Variants in ABCC3 observed in about 807,000 individuals in gnomAD.
The protein encoded by ABCC3 is ATP-binding cassette sub-family C member 3.
In ABCC3, 121 loss-of-function variants were observed where a neutral mutation model predicts 165.3. That is an observed-to-expected ratio of 0.73 (90% confidence interval 0.63 to 0.85). ABCC3 has a LOEUF of 0.85. Among genes scored for constraint, ABCC3 ranks in the 40% least tolerant of loss-of-function variants. ABCC3 has a pLI of 0.00. For synonymous variants in ABCC3, 733 were observed against 810.1 expected, an observed-to-expected ratio of 0.90 and a Z score of 1.62; for missense variants, 1,869 against 1,964.1, an observed-to-expected ratio of 0.95 and a Z score of 0.92.
Position 50,675,789 on chromosome 17 carries a change from G to T in ABCC3, c.2859+14G>T, listed in dbSNP as rs539211101. On this transcript the variant is annotated intron_variant, in intron 21 of 30. Transcript: ENST00000285238. The stretch of plus-strand genomic sequence containing the variant: ...GCCATTGGCACTGTGAGTCGGTGGG[G>T]CAAGAGGGGCTGGAGGGGATGGACA... The T allele has an allele frequency of 3.8e-6, 6 of 1,578,666 alleles. No homozygotes were observed. Among genetic ancestry groups the T allele is most frequent in the Non-Finnish European group, 5.2e-6 (6 of 1,161,686 alleles).
intron 19 of ABCC3, among the ~76,000 whole-genome samples, chr17:50,673,977 T>C (rs868517973): frequency 0.044 from 606 of 13,764 alleles, 15 homozygotes; most frequent in Admixed American, 0.054. Context: ...TCTTTCTTTC[T>C]TTCTCTCTCT....
In ABCC3 at chr17:50,687,809, T is replaced by C. The variant is rs572712049; in HGVS notation, c.4475+79T>C. ...CAGGAATGGGCAGGGCAGATTAGGGTTATCTGAACAAGGCAATGTTCCTGG... is the reference window on the plus strand; with the variant it reads ...CAGGAATGGGCAGGGCAGATTAGGGCTATCTGAACAAGGCAATGTTCCTGG... On this transcript the variant is annotated intron_variant, in intron 30 of 30. Transcript: ENST00000285238. 6 of 1,418,300 alleles carry C rather than the reference T, an allele frequency of 4.2e-6. No individual in the cohort carries two copies. In the South Asian group the frequency reaches 4.9e-5, roughly 12 times the overall value. The allele number at this position is 1,418,300 out of a possible 1,614,324, so 87.9% of individuals were successfully genotyped here.
At chr17:50,661,524 C>A (rs2146612051) in intron 8 of ABCC3, among the ~76,000 whole-genome samples, 1 of 152,274 alleles carries the variant, frequency 6.6e-6, no homozygotes, top group Admixed American at 6.5e-5. Context: ...GGTGCTCTGT[C>A]CCCACCATCA....
chr17:50,690,999 T>C (rs981115663), intron 30 of ABCC3, 93 bp from the exon 31 acceptor site: 7 of 942,728 alleles, frequency 7.4e-6, no homozygotes, highest in African/African-American at 6.5e-5. Context: ...CATGTCACTG[T>C]GGGCCTGAGC....
intron 1 of ABCC3, among the ~76,000 whole-genome samples, chr17:50,636,995 G>C (rs772964474): frequency 7.2e-5 from 11 of 152,216 alleles, no homozygotes; most frequent in Non-Finnish European, 8.8e-5. Context: ...GCCATTGCCT[G>C]GCTGTGAGCC....
chr17:50,678,479 ATC>A (rs776443223), intron 25 of ABCC3, among the ~76,000 whole-genome samples: 14 of 152,314 alleles, frequency 9.2e-5, no homozygotes, highest in Non-Finnish European at 1.9e-4. Flanking sequence ...CTGTTGAATA[ATC>A]TCTGTCCTCA....
intron 7 of ABCC3, among the ~76,000 whole-genome samples, chr17:50,660,483 A>C (rs1967351933): frequency 6.6e-6 from 1 of 152,078 alleles, no homozygotes; most frequent in Admixed American, 6.5e-5. Flanking sequence ...CCTGGCTTTC[A>C]TGGCTTGGAG....
chr17:50,677,824 GAC>G lies in ABCC3; in HGVS notation c.3461_3462del (p.Thr1154SerfsTer17). The G allele has an allele frequency of 6.2e-7, 1 of 1,614,144 alleles. No individual in the cohort carries two copies. Among genetic ancestry groups the G allele is most frequent in the Admixed American group, 1.7e-5 (1 of 60,014 alleles). The part of the protein sequence containing the change: ...RSPIYSHFSE[T>X]VTGASVIRAY... ...CACCTATCTACTCCCACTTTTCGGA[GAC>G]AGTGACTGGTGCCAGTGTCATCCGG... On this transcript the variant is annotated frameshift_variant, in exon 24 of 31. Transcript: ENST00000285238. LOFTEE classifies it high-confidence loss of function.
At chr17:50,636,697 G>A (rs1370171106) in intron 1 of ABCC3, among the ~76,000 whole-genome samples, 2 of 152,218 alleles carry the variant, frequency 1.3e-5, no homozygotes, top group African/African-American at 4.8e-5. Flanking sequence ...TTCCTGGGTA[G>A]CCTCCTGAAC....
At chr17:50,644,890 C>A (rs1418226949) in intron 1 of ABCC3, among the ~76,000 whole-genome samples, 1 of 152,248 alleles carries the variant, frequency 6.6e-6, no homozygotes, top group Non-Finnish European at 1.5e-5. Flanking sequence ...TGGTGGCGGG[C>A]GCCTGTAGTC....
In ABCC3 at chr17:50,691,222, C is replaced by G; in HGVS notation, c.*22C>G. 2 of 1,566,982 alleles carry G rather than the reference C, an allele frequency of 1.3e-6. No individual in the cohort carries two copies. Among genetic ancestry groups the G allele is most frequent in the Non-Finnish European group, 1.8e-6 (2 of 1,137,406 alleles). On this transcript the variant is annotated 3_prime_UTR_variant, in exon 31 of 31. Coordinates refer to ENST00000285238, the MANE Select transcript of ABCC3 (RefSeq NM_003786.4). ...CTAAAATATATTCCTGAGATTTCCT[C>G]CTGGCCTTTCCTGGTTTTCATCAGG... is the stretch of plus-strand genomic sequence containing the variant.
At chr17:50,687,509 G>A in intron 29 of ABCC3, 27 bp from the exon 30 acceptor site, 1 of 1,604,994 alleles carries the variant, frequency 6.2e-7, no homozygotes, top group East Asian at 2.2e-5. Flanking sequence ...GCCCCCAGCT[G>A]GAAATGCCTG....
chr17:50,663,581 A>G, intron 8 of ABCC3, 100 bp from the exon 9 acceptor site: 3 of 1,400,104 alleles, frequency 2.1e-6, no homozygotes, highest in Non-Finnish European at 2.0e-6. Context: ...TTCAGAGGCC[A>G]GGGGTGCAGT....
Position 50,669,180 on chromosome 17 carries a change from G to A in ABCC3, c.1978G>A (p.Val660Met), listed in dbSNP as rs765756800. 13 of 1,605,582 alleles carry A rather than the reference G, an allele frequency of 8.1e-6. 1 individual carries two copies. The highest frequency in any genetic ancestry group is 1.3e-5 in the African/African-American group (1 of 74,134). The stretch of plus-strand genomic sequence containing the variant: ...CCCGAAAGGGGCACTGGTGGCCGTG[G>A]TGGGGCCTGTGGGCTGTGGGAAGTC... ...QVPKGALVAV[V>M]GPVGCGKSSL... The change falls in exon 16 of 31, where the codon GTG becomes ATG. Residue 660 changes from valine (V) to methionine (M), a missense_variant. Val to Met is a conservative substitution (Grantham distance 21, BLOSUM62 1). Coordinates refer to ENST00000285238, the MANE Select transcript of ABCC3 (RefSeq NM_003786.4).
In ABCC3 at chr17:50,634,894, G is replaced by A. The variant is rs755417930; in HGVS notation, c.-43G>A. 1.1e-4 allele frequency: 134 copies of A among 1,245,992 alleles called. 1 individual carries two copies. In the South Asian group the frequency reaches 4.2e-3, roughly 39 times the overall value. 77.2% of individuals were successfully genotyped at this position (1,245,992 alleles called of 1,614,324 possible). On this transcript the variant is annotated 5_prime_UTR_variant, in exon 1 of 31. Coordinates refer to ENST00000285238, the MANE Select transcript of ABCC3 (RefSeq NM_003786.4). ...CCGGCGCCCGCTCTGCCCGCCGCTG[G>A]GTCCGACCGCGCTCGCCTTCCTTGC...
At position 50,677,437 on chromosome 17, in the gene ABCC3, G is replaced by A. The variant is rs548619722; in HGVS notation, c.3379-307G>A. ...ATGATCTAGGCTGTGCTCTGTGCTG[G>A]GCTAGGGGAGAATCAGATAGACATC... On this transcript the variant is annotated intron_variant, in intron 23 of 30. Transcript: ENST00000285238. Among the ~76,000 whole-genome samples the A allele has an allele frequency of 3.3e-5, 5 of 152,238 alleles. No individual in the cohort carries two copies. In the South Asian group the frequency reaches 1.0e-3, roughly 32 times the overall value.
At chr17:50,677,343 T>C (rs760193372) in intron 23 of ABCC3, among the ~76,000 whole-genome samples, 1 of 152,240 alleles carries the variant, frequency 6.6e-6, no homozygotes, top group Non-Finnish European at 1.5e-5. Context: ...TTGCAGACAC[T>C]GAACTCCTGT....
rs532397877 is a variant in ABCC3 at position 50,639,033 on chromosome 17, T to C, written c.45+4052T>C. On this transcript the variant is annotated intron_variant, in intron 1 of 30. Transcript: ENST00000285238. Reference sequence around the variant, plus strand: ...CTTAGTAGGCAGCCACAAAAATGTATGAGTAATGGGCAAGGCTCCTATGCC... The same window carrying C: ...CTTAGTAGGCAGCCACAAAAATGTACGAGTAATGGGCAAGGCTCCTATGCC... 1.6e-4 allele frequency among the ~76,000 whole-genome samples: 25 copies of C among 152,262 alleles called. No homozygotes were observed. The East Asian group carries it at 4.6e-3, about 28-fold the overall frequency.
In ABCC3 at chr17:50,672,519, A is replaced by G. The variant is rs182302664; in HGVS notation, c.2242-452A>G. Among the ~76,000 whole-genome samples the G allele has an allele frequency of 1.3e-4, 20 of 152,314 alleles. No individual in the cohort carries two copies. The East Asian group carries it at 3.9e-3, about 29-fold the overall frequency. ...CTTACCCTTTACCTCTGTCCCTCAC[A>G]GCATTGCAGGGACAGACTAGGCCCC... On this transcript the variant is annotated intron_variant, in intron 17 of 30. Coordinates refer to ENST00000285238, the MANE Select transcript of ABCC3 (RefSeq NM_003786.4).
Sources: allele counts gnomAD v4.1 joint callset (sites outside exome capture counted in the v4.1 genomes callset), GRCh38; gene constraint gnomAD v4.1.1; transcripts MANE v1.5; gene names NCBI Gene and HGNC (gene_info 2026-07-23, HGNC 2026-07-21).